Variants in ADAMTSL1 observed in about 807,000 individuals in gnomAD.
ADAMTSL1 encodes ADAMTS-like protein 1.
Under a neutral mutation model 201.8 loss-of-function variants are expected in ADAMTSL1, and 126 were observed. The ratio of observed to expected loss-of-function variants is 0.62; its 90% CI spans 0.54 to 0.72. The LOEUF (loss-of-function observed/expected upper bound fraction) is 0.72, where lower values mean the gene tolerates loss of function less well. ADAMTSL1 is among the 30% of genes least tolerant of loss of function. ADAMTSL1 has a pLI of 0.00. For synonymous variants in ADAMTSL1, 1,121 were observed against 903.4 expected (o/e 1.24, Z -4.32); for missense variants, 2,679 against 2,277.8 (o/e 1.18, Z -3.59).
rs578013923 is a variant in ADAMTSL1, at chr9:18,144,150, C to A, written c.88-19712C>A. 1.8e-4 allele frequency among the ~76,000 whole-genome samples: 28 copies of A among 152,218 alleles called. No homozygotes were observed. In the South Asian group the frequency reaches 5.6e-3, roughly 30 times the overall value. On this transcript the variant is annotated intron_variant, in intron 1 of 29. Transcript: ENST00000680146. ...TTTGAAAGTGATGTTTCTATTAAGG[C>A]TATGGGATACACTTTGCATGTCCTA...
chr9:18,583,054 G>A (rs77554100), intron 4 of ADAMTSL1, among the ~76,000 whole-genome samples: 19 of 152,144 alleles, frequency 1.2e-4, no homozygotes, highest in South Asian at 1.2e-3. Flanking sequence ...TAAATTGCTC[G>A]GTCTTGGGTA....
chr9:18,491,099 G>A (rs140890840), intron 1 of ADAMTSL1, among the ~76,000 whole-genome samples: 4 of 152,306 alleles, frequency 2.6e-5, no homozygotes, highest in East Asian at 3.9e-4. Context: ...GATAGCAGCC[G>A]TGTGTGAAAT....
At chr9:18,230,933 C>T (rs943752166) in intron 2 of ADAMTSL1, among the ~76,000 whole-genome samples, 2 of 152,106 alleles carry the variant, frequency 1.3e-5, no homozygotes, top group African/African-American at 4.8e-5. Context: ...TAGGATTTTC[C>T]TCCTTGGGGG....
intron 1 of ADAMTSL1, among the ~76,000 whole-genome samples, chr9:17,928,671 A>G (rs1022839342): frequency 3.3e-5 from 5 of 152,132 alleles, no homozygotes; most frequent in African/African-American, 1.2e-4. Context: ...GTACTTTGGG[A>G]GGCTGAGGAG....
At chr9:18,287,401 A>G (rs1328226600) in intron 2 of ADAMTSL1, among the ~76,000 whole-genome samples, 2 of 151,830 alleles carry the variant, frequency 1.3e-5, no homozygotes, top group Non-Finnish European at 2.9e-5. Flanking sequence ...ATATATGCAC[A>G]TACACATATA....
chr9:18,108,304 A>G (rs1387224501), intron 1 of ADAMTSL1, among the ~76,000 whole-genome samples: 2 of 149,320 alleles, frequency 1.3e-5, no homozygotes, highest in African/African-American at 4.9e-5. Context: ...GGCTCAAGCC[A>G]TCTTCCCACC....
At chr9:18,060,623 C>T (rs1300078886) in intron 1 of ADAMTSL1, among the ~76,000 whole-genome samples, 1 of 152,056 alleles carries the variant, frequency 6.6e-6, no homozygotes, top group East Asian at 1.9e-4. Flanking sequence ...AAACAAAAAC[C>T]ATAAAACAAT....
intron 15 of ADAMTSL1, among the ~76,000 whole-genome samples, chr9:18,751,647 A>G (rs1819474804): frequency 1.3e-5 from 2 of 152,214 alleles, no homozygotes; most frequent in South Asian, 2.1e-4. Flanking sequence ...TGCGGGCCCT[A>G]CATCAGGAGG....
intron 21 of ADAMTSL1, among the ~76,000 whole-genome samples, chr9:18,822,617 G>A (rs1824279941): frequency 6.6e-6 from 1 of 152,168 alleles, no homozygotes; most frequent in African/African-American, 2.4e-5. Context: ...CTGATGTAAT[G>A]ATGTAATCGT....
At chr9:17,966,925 C>A (rs543831186) in intron 1 of ADAMTSL1, among the ~76,000 whole-genome samples, 110 of 152,184 alleles carry the variant, frequency 7.2e-4, no homozygotes, top group African/African-American at 2.5e-3. Context: ...TTTCCAACAT[C>A]TTTGAAAGTG....
At chr9:18,384,184 C>T (rs1225814437) in intron 2 of ADAMTSL1, among the ~76,000 whole-genome samples, 1 of 151,972 alleles carries the variant, frequency 6.6e-6, no homozygotes, top group Non-Finnish European at 1.5e-5. Context: ...GCTGGGGAGG[C>T]CTTAGGAAAA....
chr9:18,468,964 A>G (rs956284507), intron 2 of ADAMTSL1, among the ~76,000 whole-genome samples: 1 of 152,254 alleles, frequency 6.6e-6, no homozygotes, highest in Non-Finnish European at 1.5e-5. Context: ...GAGGAAGACC[A>G]TGGGACAAAG....
At chr9:18,033,557 T>TA (rs1306979180) in intron 1 of ADAMTSL1, among the ~76,000 whole-genome samples, 3 of 152,226 alleles carry the variant, frequency 2.0e-5, no homozygotes, top group Non-Finnish European at 4.4e-5. Context: ...AATGTCCTTC[T>TA]AACCAGCCTG....
At chr9:18,637,451 C>T (rs1207973697) in intron 6 of ADAMTSL1, among the ~76,000 whole-genome samples, 4 of 152,092 alleles carry the variant, frequency 2.6e-5, no homozygotes, top group African/African-American at 9.7e-5. Context: ...GAAGAAAGAA[C>T]CCATAGGAGT....
chr9:18,416,992 A>G (rs79603784), intron 2 of ADAMTSL1, among the ~76,000 whole-genome samples: 2,514 of 151,816 alleles, frequency 0.017, 43 homozygotes, highest in South Asian at 0.073. Flanking sequence ...AGATGGCACA[A>G]TTACCTCAAT....
intron 1 of ADAMTSL1, among the ~76,000 whole-genome samples, chr9:17,927,415 T>C (rs1327074716): frequency 6.6e-6 from 1 of 151,154 alleles, no homozygotes; most frequent in Non-Finnish European, 1.5e-5. Context: ...TATGTATGTG[T>C]ATATACATGT....
At chr9:18,102,155 A>T (rs1228730272) in intron 1 of ADAMTSL1, among the ~76,000 whole-genome samples, 2 of 152,232 alleles carry the variant, frequency 1.3e-5, no homozygotes, top group Non-Finnish European at 2.9e-5. Flanking sequence ...TGAAATCCTT[A>T]TGAATGTAAC....
chr9:18,826,251 GT>G, intron 21 of ADAMTSL1, 32 bp from the exon 22 acceptor site: 1 of 1,531,640 alleles, frequency 6.5e-7, no homozygotes, highest in Non-Finnish European at 8.7e-7. Context: ...TGACTGATGA[GT>G]GGGGTTTTTT....
At chr9:18,407,512 G>A (rs997813736) in intron 2 of ADAMTSL1, among the ~76,000 whole-genome samples, 8 of 152,222 alleles carry the variant, frequency 5.3e-5, no homozygotes, top group Non-Finnish European at 4.4e-5. Context: ...ATGAAGAGGA[G>A]TGAGAAGTAG....
Sources: allele counts gnomAD v4.1 joint callset (sites outside exome capture counted in the v4.1 genomes callset), GRCh38; gene constraint gnomAD v4.1.1; transcripts MANE v1.5; gene names NCBI Gene and HGNC (gene_info 2026-07-23, HGNC 2026-07-21).